DENND1B: variants seen among roughly 807,000 people sequenced by gnomAD.
DENND1B encodes DENN domain containing 1B, also known as DENN domain-containing protein 1B.
Under a neutral mutation model 90.1 loss-of-function variants are expected in DENND1B, and 59 were observed. The observed-to-expected ratio is 0.65, with a 90% confidence interval of 0.53 to 0.81. The LOEUF is 0.81. Among genes scored for constraint, DENND1B ranks in the 40% least tolerant of loss-of-function variants. The pLI, the probability that DENND1B is intolerant of heterozygous loss-of-function variation, is 0.00. For synonymous variants in DENND1B, 337 were observed against 324.6 expected, an observed-to-expected ratio of 1.04 and a Z score of -0.41; for missense variants, 862 against 912.6, an observed-to-expected ratio of 0.94 and a Z score of 0.71.
intron 15 of DENND1B, among the ~76,000 whole-genome samples, chr1:197,568,586 C>T (rs1211530400): frequency 6.6e-6 from 1 of 152,110 alleles, no homozygotes; most frequent in Non-Finnish European, 1.5e-5. Flanking sequence ...ATCACATTAT[C>T]TGATCTCAAA....
intron 9 of DENND1B, among the ~76,000 whole-genome samples, chr1:197,643,763 T>C (rs1028839323): frequency 3.9e-5 from 6 of 152,252 alleles, no homozygotes; most frequent in Admixed American, 6.5e-5. Context: ...TTAGCACTCT[T>C]ATCCCCCACA....
upstream of DENND1B, among the ~76,000 whole-genome samples, chr1:197,776,080 GACTAACTTTTGA>G (rs1404167382): frequency 2.0e-5 from 3 of 152,194 alleles, no homozygotes; most frequent in African/African-American, 4.8e-5. Context: ...GATAACCAAG[GACTAACTTTTGA>G]ACACATGTAC....
At chr1:197,551,346 C>A (rs1230688679) in intron 16 of DENND1B, among the ~76,000 whole-genome samples, 1 of 152,088 alleles carries the variant, frequency 6.6e-6, no homozygotes, top group Admixed American at 6.6e-5. Flanking sequence ...TCAAATTAGG[C>A]TTTCCTTTTA....
intron 10 of DENND1B, among the ~76,000 whole-genome samples, chr1:197,640,753 G>A (rs1680201898): frequency 6.6e-6 from 1 of 152,150 alleles, no homozygotes; most frequent in African/African-American, 2.4e-5. Flanking sequence ...CACAAATACA[G>A]TAGCTTATGC....
chr1:197,599,966 TTTTG>T (rs1204303914), intron 13 of DENND1B, among the ~76,000 whole-genome samples: 2 of 151,876 alleles, frequency 1.3e-5, no homozygotes, highest in African/African-American at 4.8e-5. Flanking sequence ...TGCATAATTC[TTTTG>T]TTTATTTCAC....
intron 15 of DENND1B, among the ~76,000 whole-genome samples, chr1:197,574,141 A>C (rs1171826800): frequency 1.3e-5 from 2 of 152,202 alleles, no homozygotes; most frequent in Non-Finnish European, 2.9e-5. Flanking sequence ...GGAAAAGAGG[A>C]AGTCAAATTG....
intron 3 of DENND1B, among the ~76,000 whole-genome samples, chr1:197,686,912 T>A (rs1657302018): frequency 1.3e-5 from 2 of 152,194 alleles, no homozygotes; most frequent in Admixed American, 1.3e-4. Flanking sequence ...AGGTTCAGAA[T>A]CCAGTTCAAC....
rs191134838 is a variant in DENND1B at position 197,570,628 on chromosome 1, A to C, written c.1149+12524T>G. ...TTTACCCTAATATTATAATTTATACACTTTAGTGAATGTACTATGTTATCT... is the reference window on the plus strand; with the variant it reads ...TTTACCCTAATATTATAATTTATACCCTTTAGTGAATGTACTATGTTATCT... On this transcript the variant is annotated intron_variant, in intron 15 of 22. Coordinates refer to ENST00000620048, the MANE Select transcript of DENND1B (RefSeq NM_001195215.2). 9.2e-5 allele frequency among the ~76,000 whole-genome samples: 14 copies of C among 152,260 alleles called. No homozygotes were observed. In the East Asian group the frequency reaches 2.7e-3, roughly 29 times the overall value.
intron 11 of DENND1B, among the ~76,000 whole-genome samples, chr1:197,616,946 G>A (rs1357760070): frequency 6.6e-6 from 1 of 150,988 alleles, no homozygotes; most frequent in African/African-American, 2.4e-5. Flanking sequence ...CCCAGAAGCT[G>A]CTATTTAGAA....
chr1:197,572,808 C>T (rs1358567234), intron 15 of DENND1B, among the ~76,000 whole-genome samples: 2 of 152,138 alleles, frequency 1.3e-5, no homozygotes, highest in African/African-American at 4.8e-5. Context: ...AAACTCCAAC[C>T]GACCTGCAGC....
rs986789213 is a variant in DENND1B, at chr1:197,505,884, A to T, written c.*4576T>A. 2.0e-5 allele frequency: 3 copies of T among 150,016 alleles called. No homozygotes were observed. The highest frequency in any genetic ancestry group is 7.3e-5 in the African/African-American group (3 of 41,006). 9.3% of individuals were successfully genotyped at this position (150,016 alleles called of 1,614,324 possible). On this transcript the variant is annotated 3_prime_UTR_variant, in exon 23 of 23. Coordinates refer to ENST00000620048, the MANE Select transcript of DENND1B (RefSeq NM_001195215.2). ...TTAAATGTACACATGTAGAATCAGC[A>T]ATTTGTACCGTATATATTTCTTTTA...
chr1:197,624,094 A>G (rs930854457), intron 10 of DENND1B, among the ~76,000 whole-genome samples: 1 of 151,614 alleles, frequency 6.6e-6, no homozygotes, highest in East Asian at 1.9e-4. Flanking sequence ...TCTATCGAGA[A>G]GCAAAAGACA....
At chr1:197,542,469 A>G (rs1458696059) in intron 18 of DENND1B, among the ~76,000 whole-genome samples, 1 of 152,210 alleles carries the variant, frequency 6.6e-6, no homozygotes, top group Non-Finnish European at 1.5e-5. Flanking sequence ...AAGTAGGGAC[A>G]GTATCTCTTA....
intron 10 of DENND1B, among the ~76,000 whole-genome samples, chr1:197,636,583 C>T (rs539535384): frequency 1.5e-4 from 23 of 152,256 alleles, no homozygotes; most frequent in African/African-American, 5.5e-4. Flanking sequence ...AACAACTGTA[C>T]CTACCACATA....
intron 18 of DENND1B, among the ~76,000 whole-genome samples, chr1:197,542,205 A>C (rs1048096315): frequency 2.6e-5 from 4 of 152,210 alleles, no homozygotes; most frequent in Non-Finnish European, 5.9e-5. Flanking sequence ...AGCCAAATAA[A>C]ATATGAATTC....
rs778638816 is a variant in DENND1B, at chr1:197,551,843, A to C, written c.1240+1179T>G. Among the ~76,000 whole-genome samples the C allele has an allele frequency of 8.5e-5, 13 of 152,144 alleles. 1 individual carries two copies. The highest frequency in any genetic ancestry group is 6.6e-4 in the Admixed American group (10 of 15,262). Reference sequence around the variant, plus strand: ...TAACACAAAAGTTCCATTGAAGCTAAATTTTTACCCATGAACTGAAGGAAG... The same window carrying C: ...TAACACAAAAGTTCCATTGAAGCTACATTTTTACCCATGAACTGAAGGAAG... On this transcript the variant is annotated intron_variant, in intron 16 of 22. Transcript: ENST00000620048.
intron 3 of DENND1B, chr1:197,689,202 T>C (rs1324117063): frequency 1.3e-5 from 2 of 152,096 alleles, no homozygotes; most frequent in African/African-American, 4.8e-5. Flanking sequence ...CTCATAATCA[T>C]GTTAGAAGGC....
At chr1:197,585,673 A>C (rs1435099663) in intron 14 of DENND1B, among the ~76,000 whole-genome samples, 1 of 152,264 alleles carries the variant, frequency 6.6e-6, no homozygotes, top group Admixed American at 6.5e-5. Flanking sequence ...TTATTTACTA[A>C]GAATCTCTGA....
intron 5 of DENND1B, among the ~76,000 whole-genome samples, chr1:197,667,435 A>G (rs1655052518): frequency 6.6e-6 from 1 of 151,814 alleles, no homozygotes; most frequent in South Asian, 2.1e-4. Context: ...TTTATTTATT[A>G]TTATCTTTTT....
Sources: allele counts gnomAD v4.1 joint callset (sites outside exome capture counted in the v4.1 genomes callset), GRCh38; gene constraint gnomAD v4.1.1; transcripts MANE v1.5; gene names NCBI Gene and HGNC (gene_info 2026-07-23, HGNC 2026-07-21).